Variants in MKRN1 observed in about 807,000 individuals in gnomAD.
The protein encoded by MKRN1 is E3 ubiquitin-protein ligase makorin-1.
In MKRN1, 9 loss-of-function variants were observed where a neutral mutation model predicts 55.5. That is an observed-to-expected ratio of 0.16 (90% CI 0.10 to 0.28). The LOEUF (loss-of-function observed/expected upper bound fraction) is 0.28, where lower values mean the gene tolerates loss of function less well. Ranked by LOEUF, MKRN1 falls within the 10% of genes least tolerant of loss-of-function variation. The pLI, the probability that MKRN1 is intolerant of heterozygous loss-of-function variation, is 1.00. For synonymous variants in MKRN1, 253 were observed against 235.9 expected, an observed-to-expected ratio of 1.07 and a Z score of -0.66; for missense variants, 488 against 626.7, an observed-to-expected ratio of 0.78 and a Z score of 2.36.
chr7:140,478,382 T>TC (rs1337145232), intron 1 of MKRN1: 2 of 152,002 alleles, frequency 1.3e-5, no homozygotes, highest in Non-Finnish European at 2.9e-5. Flanking sequence ...ACCAAACCTC[T>TC]CTCTCTTCCG....
chr7:140,463,828 TGAGA>T, intron 2 of MKRN1, among the ~76,000 whole-genome samples: 1 of 151,764 alleles, frequency 6.6e-6, no homozygotes, highest in South Asian at 2.1e-4. Flanking sequence ...GAGCTTCCAG[TGAGA>T]GAGCTGAGAT....
intron 1 of MKRN1, 148 bp downstream of exon 1, chr7:140,479,012 G>T: frequency 1.0e-6 from 1 of 998,836 alleles, no homozygotes; most frequent in Non-Finnish European, 1.3e-6. Context: ...GGCAGCGGGG[G>T]CCGCGAGGGC....
At chr7:140,471,129 T>A (rs540938633) in intron 2 of MKRN1, among the ~76,000 whole-genome samples, 50 of 152,214 alleles carry the variant, frequency 3.3e-4, no homozygotes, top group African/African-American at 1.2e-3. Context: ...ATGCTTGTAA[T>A]CCCAACACTT....
intron 4 of MKRN1, among the ~76,000 whole-genome samples, chr7:140,458,298 AGCCAT>A (rs1298834684): frequency 6.6e-6 from 1 of 152,242 alleles, no homozygotes. Flanking sequence ...AATGTGGTCT[AGCCAT>A]ACAAAGACAA....
At chr7:140,469,651 G>A (rs1295932422) in intron 2 of MKRN1, among the ~76,000 whole-genome samples, 5 of 152,198 alleles carry the variant, frequency 3.3e-5, no homozygotes, top group Non-Finnish European at 4.4e-5. Context: ...GGTGGCTCAC[G>A]CCTGTAATCC....
rs1268624733 is a variant in MKRN1, at chr7:140,463,888, C to CA, written c.315-3953dup. 4.8e-3 allele frequency among the ~76,000 whole-genome samples: 695 copies of CA among 145,442 alleles called. 3 individuals carry two copies. The highest frequency in any genetic ancestry group is 0.016 in the African/African-American group (643 of 39,780). On this transcript the variant is annotated intron_variant, in intron 2 of 7. Transcript: ENST00000255977. ...TGGGCGACAGAGCAAGACTCCATCT[C>CA]AAAAAAAAAATAAAAAGAAATCCAG...
chr7:140,465,691 T>C (rs1794745412), intron 2 of MKRN1, among the ~76,000 whole-genome samples: 1 of 152,202 alleles, frequency 6.6e-6, no homozygotes, highest in African/African-American at 2.4e-5. Flanking sequence ...GTTGGGGCTA[T>C]GATGCTATCC....
Position 140,456,476 on chromosome 7 carries a change from G to C in MKRN1, c.986+176C>G, listed in dbSNP as rs889899051. 9 of 1,430,288 alleles carry C rather than the reference G, an allele frequency of 6.3e-6. No homozygotes were observed. The Admixed American group carries it at 2.3e-4, about 37-fold the overall frequency. 88.6% of individuals were successfully genotyped at this position (1,430,288 alleles called of 1,614,324 possible). A position where few individuals can be genotyped will look rare whatever the true frequency, so the allele number is the denominator to read the frequency against. ...TTCCTCATTCAAATAAAAGTAGATA[G>C]ACCAACTAACCTAGAAGCTAGCTGA... On this transcript the variant is annotated intron_variant, in intron 5 of 7. Transcript: ENST00000255977.
intron 1 of MKRN1, chr7:140,474,437 TG>T (rs771760476): frequency 5.9e-4 from 214 of 361,152 alleles, no homozygotes; most frequent in Middle Eastern, 1.8e-3. Context: ...CGCAGTGGGT[TG>T]GGGGGGGCCC....
Position 140,471,899 on chromosome 7 carries a change from A to G in MKRN1, c.298T>C (p.Tyr100His). 1 of 1,613,902 alleles carries G rather than the reference A, an allele frequency of 6.2e-7. No individual in the cohort carries two copies. The highest frequency in any genetic ancestry group is 8.5e-7 in the Non-Finnish European group (1 of 1,179,956). ...AATTCTTACCTGCAGCGGTCTCCAT[A>G]AATACAGTACCCTCGCTGAAAATAC... Reference protein sequence around the residue: ...CKYFQRGYCIYGDRCRYEHSK... With the variant: ...CKYFQRGYCIHGDRCRYEHSK... The change falls in exon 2 of 8, where the codon TAT (tyrosine) becomes CAT (histidine). Residue 100 changes from tyrosine to histidine, a missense_variant. By Grantham distance (83) the Tyr-to-His change is moderately conservative. Coordinates refer to ENST00000255977, the MANE Select transcript of MKRN1 (RefSeq NM_013446.4).
At chr7:140,478,240 C>T (rs1250550338) in intron 1 of MKRN1, 2 of 152,166 alleles carry the variant, frequency 1.3e-5, no homozygotes, top group Non-Finnish European at 2.9e-5. Context: ...TATTTAAAAA[C>T]CGGAAAATAA....
chr7:140,476,282 C>T (rs1371676683), intron 1 of MKRN1, among the ~76,000 whole-genome samples: 2 of 151,958 alleles, frequency 1.3e-5, no homozygotes, highest in East Asian at 3.9e-4. Flanking sequence ...CCATTGCTGG[C>T]GTGCAATGTT....
At chr7:140,463,597 C>T (rs1356252024) in intron 2 of MKRN1, among the ~76,000 whole-genome samples, 1 of 152,148 alleles carries the variant, frequency 6.6e-6, no homozygotes, top group African/African-American at 2.4e-5. Context: ...CTTAGAAATC[C>T]AGCCCAGGCT....
rs1794545917 is a variant in MKRN1, at chr7:140,459,102, C to T, written c.676G>A (p.Glu226Lys). ...TCTCCGTGGAGATACACACAGTTCT[C>T]CCCGTATCGGCACTCTCCCACTGCA... is the stretch of plus-strand genomic sequence containing the variant. ...YAAVGECRYG[E>K]NCVYLHGDSC... Residue 226 changes from glutamate (E) to lysine (K), a missense_variant, in exon 4 of 8, where the codon GAG becomes AAG. Transcript: ENST00000255977. 2 of 1,613,984 alleles carry T rather than the reference C, an allele frequency of 1.2e-6. No individual in the cohort carries two copies. The highest frequency in any genetic ancestry group is 1.3e-5 in the African/African-American group (1 of 75,050).
chr7:140,470,012 A>T, intron 2 of MKRN1, among the ~76,000 whole-genome samples: 1 of 143,332 alleles, frequency 7.0e-6, no homozygotes, highest in East Asian at 2.1e-4. Flanking sequence ...TGTGCCACTG[A>T]ACTCCAGCCT....
intron 1 of MKRN1, among the ~76,000 whole-genome samples, chr7:140,477,780 C>G (rs1186854599): frequency 6.6e-6 from 1 of 152,214 alleles, no homozygotes; most frequent in South Asian, 2.1e-4. Context: ...AGGCCGGTTT[C>G]AATCTTTTAA....
At chr7:140,471,459 G>A (rs1794921996) in intron 2 of MKRN1, among the ~76,000 whole-genome samples, 1 of 152,034 alleles carries the variant, frequency 6.6e-6, no homozygotes, top group Non-Finnish European at 1.5e-5. Context: ...GAACTAGGAG[G>A]ATAGAAAAGC....
chr7:140,467,541 A>T (rs1304878259), intron 2 of MKRN1, among the ~76,000 whole-genome samples: 1 of 152,000 alleles, frequency 6.6e-6, no homozygotes, highest in Non-Finnish European at 1.5e-5. Context: ...GCCTCCCAAA[A>T]GCGCGGGGAT....
At chr7:140,456,110 G>T in intron 5 of MKRN1, 12 of 875,426 alleles carry the variant, frequency 1.4e-5, no homozygotes, top group Middle Eastern at 3.6e-4. Context: ...GGGCTAGCCA[G>T]TTCTTTTTTT....
Sources: allele counts gnomAD v4.1 joint callset (sites outside exome capture counted in the v4.1 genomes callset), GRCh38; gene constraint gnomAD v4.1.1; transcripts MANE v1.5; gene names NCBI Gene and HGNC (gene_info 2026-07-23, HGNC 2026-07-21).